RTTN: variants seen among roughly 807,000 people sequenced by gnomAD.
The protein encoded by RTTN is rotatin.
In RTTN, 182 loss-of-function variants were observed where a neutral mutation model predicts 269.2. The observed-to-expected ratio is 0.68, with a 90% CI of 0.60 to 0.76. The LOEUF (loss-of-function observed/expected upper bound fraction) is 0.76. Ranked by LOEUF, RTTN falls within the 30% of genes least tolerant of loss-of-function variation. RTTN has a pLI of 0.00. For missense variants in RTTN, 2,545 were observed against 2,608.6 expected (o/e 0.98, Z 0.53); for synonymous variants, 1,006 against 963.5 (o/e 1.04, Z -0.82).
At chr18:70,162,886 G>GAAAAAA (rs5825997) in intron 14 of RTTN, among the ~76,000 whole-genome samples, 3 of 50,198 alleles carry the variant, frequency 6.0e-5, no homozygotes, top group Admixed American at 2.9e-4. Context: ...AATAAAAGTT[G>GAAAAAA]AAAAAAAAAA....
intron 32 of RTTN, among the ~76,000 whole-genome samples, chr18:70,086,389 A>T (rs2058698299): frequency 6.6e-6 from 1 of 152,168 alleles, no homozygotes; most frequent in African/African-American, 2.4e-5. Context: ...AAACATAGTA[A>T]ACATATGTTA....
intron 32 of RTTN, among the ~76,000 whole-genome samples, chr18:70,082,330 C>T (rs549874507): frequency 1.4e-4 from 22 of 152,242 alleles, no homozygotes; most frequent in African/African-American, 5.3e-4. Context: ...ATGTCATCCC[C>T]TGTAGGCCAT....
chr18:70,118,008 CA>C (rs2059642837), intron 26 of RTTN, among the ~76,000 whole-genome samples: 1 of 151,738 alleles, frequency 6.6e-6, no homozygotes, highest in African/African-American at 2.4e-5. Context: ...ACATACATAA[CA>C]ATAAACATCT....
At chr18:70,200,500 G>T (rs1451630702) in intron 4 of RTTN, among the ~76,000 whole-genome samples, 1 of 152,128 alleles carries the variant, frequency 6.6e-6, no homozygotes, top group Non-Finnish European at 1.5e-5. Flanking sequence ...CATCTTGATG[G>T]AATTAAGCCT....
intron 19 of RTTN, among the ~76,000 whole-genome samples, chr18:70,141,638 G>T (rs1441827699): frequency 2.0e-5 from 3 of 152,116 alleles, no homozygotes; most frequent in Non-Finnish European, 4.4e-5. Flanking sequence ...TTGGGGGTTG[G>T]GGGAGGGATA....
intron 19 of RTTN, among the ~76,000 whole-genome samples, chr18:70,142,060 T>C (rs534544106): frequency 6.6e-6 from 1 of 152,340 alleles, no homozygotes; most frequent in South Asian, 2.1e-4. Context: ...AGCATGTTGT[T>C]AGGCTTTGCT....
At chr18:70,076,525 C>T (rs1261617584) in intron 32 of RTTN, among the ~76,000 whole-genome samples, 1 of 151,992 alleles carries the variant, frequency 6.6e-6, no homozygotes, top group Non-Finnish European at 1.5e-5. Flanking sequence ...ATTACACTAA[C>T]AAGGTTATTT....
chr18:70,020,979 A>G (rs1447039223), intron 44 of RTTN, 162 bp from the exon 45 acceptor site: 10 of 589,030 alleles, frequency 1.7e-5, no homozygotes, highest in Non-Finnish European at 3.0e-5. Flanking sequence ...CAGTCAACCT[A>G]ATAGATATAC....
intron 11 of RTTN, among the ~76,000 whole-genome samples, chr18:70,169,506 T>C (rs2061081951): frequency 6.6e-6 from 1 of 152,234 alleles, no homozygotes; most frequent in African/African-American, 2.4e-5. Context: ...ATGACAGAGC[T>C]TATTAATGAC....
intron 10 of RTTN, among the ~76,000 whole-genome samples, chr18:70,181,398 T>C (rs907648168): frequency 2.6e-5 from 4 of 152,190 alleles, no homozygotes; most frequent in East Asian, 1.9e-4. Flanking sequence ...AGGGAAAAAA[T>C]AGACCTGATT....
chr18:70,031,129 T>A, intron 40 of RTTN, 148 bp from the exon 41 acceptor site: 1 of 596,818 alleles, frequency 1.7e-6, no homozygotes, highest in Non-Finnish European at 2.9e-6. Context: ...TCATTAATAT[T>A]TGAGAATGTT....
chr18:70,046,218 TA>T (rs1416588548), intron 40 of RTTN, among the ~76,000 whole-genome samples: 1 of 152,200 alleles, frequency 6.6e-6, no homozygotes, highest in African/African-American at 2.4e-5. Flanking sequence ...TGGAAGTCTT[TA>T]AATTTCCCAG....
chr18:70,070,410 G>C (rs1049452036), intron 34 of RTTN, among the ~76,000 whole-genome samples: 13 of 152,170 alleles, frequency 8.5e-5, no homozygotes, highest in African/African-American at 3.1e-4. Flanking sequence ...CATGCTGGAG[G>C]TATTTGTATG....
intron 14 of RTTN, among the ~76,000 whole-genome samples, chr18:70,161,651 T>TA (rs1172327750): frequency 2.6e-5 from 4 of 151,524 alleles, no homozygotes; most frequent in Non-Finnish European, 4.4e-5. Flanking sequence ...AATCAACAAG[T>TA]AAAAAACAAA....
At chr18:70,011,154 G>C (rs111852819) in intron 46 of RTTN, among the ~76,000 whole-genome samples, 1,996 of 152,158 alleles carry the variant, frequency 0.013, 27 homozygotes, top group Middle Eastern at 0.027. Flanking sequence ...AATTCTACCA[G>C]GCATACAAAG....
chr18:70,006,531 ATTGTATTCTTATC>A, intron 46 of RTTN, 47 bp from the exon 47 acceptor site: 1 of 1,382,810 alleles, frequency 7.2e-7, no homozygotes, highest in Non-Finnish European at 1.0e-6. Flanking sequence ...CAGACACTGC[ATTGTATTCTTATC>A]TTGGACTAGT....
chr18:70,187,538 T>C (rs205086), intron 10 of RTTN, among the ~76,000 whole-genome samples: 15,387 of 152,174 alleles, frequency 0.1, 1,669 homozygotes, highest in African/African-American at 0.28. Context: ...TCTAACTGTA[T>C]GCTGAATGGG....
intron 27 of RTTN, among the ~76,000 whole-genome samples, chr18:70,113,640 G>C (rs2059530638): frequency 6.6e-6 from 1 of 152,216 alleles, no homozygotes; most frequent in South Asian, 2.1e-4. Flanking sequence ...GGTAGAAACA[G>C]ATCAAATGTC....
At chr18:70,031,834 G>C (rs891649432) in intron 40 of RTTN, among the ~76,000 whole-genome samples, 1 of 151,954 alleles carries the variant, frequency 6.6e-6, no homozygotes, top group Non-Finnish European at 1.5e-5. Flanking sequence ...AGCTGGGGCT[G>C]AAGGGGGAGG....
Sources: allele counts gnomAD v4.1 joint callset (sites outside exome capture counted in the v4.1 genomes callset), GRCh38; gene constraint gnomAD v4.1.1; transcripts MANE v1.5; gene names NCBI Gene and HGNC (gene_info 2026-07-23, HGNC 2026-07-21).